PHETA1: variants seen among roughly 807,000 people sequenced by gnomAD.
The protein encoded by PHETA1 is PH domain containing endocytic trafficking adaptor 1, also known as sesquipedalian-1.
For missense variants in PHETA1, 348 were observed against 373.5 expected (o/e 0.93, Z 0.56); for synonymous variants, 155 against 168.9 (o/e 0.92, Z 0.64).
rs1396268286 is a variant in PHETA1, at chr12:111,361,944, CA to C, written c.*733del. 2.2e-6 allele frequency: 1 copy of C among 456,106 alleles called. No homozygotes were observed. Among genetic ancestry groups the C allele is most frequent in the Non-Finnish European group, 4.4e-6 (1 of 226,918 alleles). 28.3% of individuals were successfully genotyped at this position (456,106 alleles called of 1,614,324 possible). On this transcript the variant is annotated 3_prime_UTR_variant, in exon 3 of 3. Coordinates refer to ENST00000683047, the MANE Select transcript of PHETA1 (RefSeq NM_144671.6). ...AGCCCTGTGAGAGCCACCACGGAGA[CA>C]CAGACAGGGCCCGCGGCCAGAGAGC...
rs1032315792 is a variant in PHETA1 at position 111,362,756 on chromosome 12, G to A, written c.672C>T (p.Phe224=). 24 of 1,541,178 alleles carry A rather than the reference G, an allele frequency of 1.6e-5. No homozygotes were observed. The highest frequency in any genetic ancestry group is 1.7e-4 in the Middle Eastern group (1 of 5,964). ...GGCCATAGCACTCGTGCAGCCGGGC[G>A]AAGGGGGCCATGTCCAGGGGCCCGT... The part of the protein sequence containing the change: ...APHGPLDMAP[F]ARLHECYGQE... Residue 224 remains phenylalanine, a synonymous_variant, in exon 3 of 3, where the codon TTC becomes TTT. Coordinates refer to ENST00000683047, the MANE Select transcript of PHETA1 (RefSeq NM_144671.6).
rs1468673807 is a variant in PHETA1 at position 111,362,855 on chromosome 12, C to G, written c.573G>C (p.Trp191Cys). ...LPPKENGCAV[W>C]STEATFRPGP... ...CAGGCCTGAAGGTGGCCTCAGTGCT[C>G]CAGACAGCGCAGCCATTCTCCTTGG... The change falls in exon 3 of 3, where the codon TGG becomes TGC. Residue 191 changes from tryptophan (W) to cysteine (C), a missense_variant. Transcript: ENST00000683047. The G allele has an allele frequency of 2.0e-6, 3 of 1,537,754 alleles. No individual in the cohort carries two copies. The highest frequency in any genetic ancestry group is 2.7e-5 in the African/African-American group (2 of 72,950).
rs1448199453 is a variant in PHETA1 at position 111,366,108 on chromosome 12, C to G, written c.-37+5G>C. On this transcript the variant is annotated splice_donor_5th_base_variant and intron_variant, in intron 2 of 2. Transcript: ENST00000683047. The stretch of plus-strand genomic sequence containing the variant: ...CCCGCCCTGCTTGCCCAGTTCCGCT[C>G]CTACCTCTCAGGCCACCACTTGCCT... 1 of 157,988 alleles carries G rather than the reference C, an allele frequency of 6.3e-6. No individual in the cohort carries two copies. Among genetic ancestry groups the G allele is most frequent in the Non-Finnish European group, 1.4e-5 (1 of 70,676 alleles). The allele number at this position is 157,988 out of a possible 1,614,324, so 9.8% of individuals were successfully genotyped here. A position where few individuals can be genotyped will look rare whatever the true frequency, so the allele number is the denominator to read the frequency against.
At position 111,361,811 on chromosome 12, in the gene PHETA1, C is replaced by T; in HGVS notation, c.*867G>A. ...TCCCTGGGGGAACCTGCTAGAAGGT[C>T]ACCTCGGGCCATGGCTACCCAGCCC... On this transcript the variant is annotated 3_prime_UTR_variant, in exon 3 of 3. Transcript: ENST00000683047. The T allele has an allele frequency of 2.3e-6, 1 of 443,124 alleles. No homozygotes were observed. Among genetic ancestry groups the T allele is most frequent in the Non-Finnish European group, 4.5e-6 (1 of 219,830 alleles). The allele number at this position is 443,124 out of a possible 1,614,324, so 27.4% of individuals were successfully genotyped here.
In PHETA1 at chr12:111,363,264, C is replaced by T. The variant is rs561158574; in HGVS notation, c.164G>A (p.Arg55His). The T allele has an allele frequency of 1.8e-5, 29 of 1,613,150 alleles. No individual in the cohort carries two copies. Among genetic ancestry groups the T allele is most frequent in the East Asian group, 1.6e-4 (7 of 44,880 alleles). Reference protein sequence around the residue: ...MLFYFEDAASREPVGVIILEG... With the variant: ...MLFYFEDAASHEPVGVIILEG... ...CAGGATGATGACGCCCACGGGCTCA[C>T]GGCTGGCAGCGTCCTCGAAGTAGAA... The change falls in exon 3 of 3, where the codon CGT becomes CAT. Residue 55 changes from arginine (R) to histidine (H), a missense_variant. Coordinates refer to ENST00000683047, the MANE Select transcript of PHETA1 (RefSeq NM_144671.6). This position sits in a 1 kb window ranked among gnomAD's most constrained non-coding sequence, Gnocchi z 7.4.
chr12:111,368,566 G>T lies in PHETA1; in HGVS notation c.-182+346C>A, dbSNP rs1417924423. The stretch of plus-strand genomic sequence containing the variant: ...TCCACGGCAGGGGCTGCTGCTCCAG[G>T]TGTGGCCCTGCTCCCGGCTGCTCTC... On this transcript the variant is annotated intron_variant, in intron 1 of 2. Coordinates refer to ENST00000683047, the MANE Select transcript of PHETA1 (RefSeq NM_144671.6). The surrounding 1 kb of genome is among the most constrained non-coding windows in gnomAD (Gnocchi z 5.0). Among the ~76,000 whole-genome samples the T allele has an allele frequency of 6.6e-6, 1 of 152,238 alleles. No homozygotes were observed. The highest frequency in any genetic ancestry group is 1.5e-5 in the Non-Finnish European group (1 of 68,042).
In PHETA1 at chr12:111,361,926, T is replaced by G; in HGVS notation, c.*752A>C. On this transcript the variant is annotated 3_prime_UTR_variant, in exon 3 of 3. Coordinates refer to ENST00000683047, the MANE Select transcript of PHETA1 (RefSeq NM_144671.6). Reference sequence around the variant, plus strand: ...GTCAAGGAGTGTCTGGAGAGCCCTGTGAGAGCCACCACGGAGACACAGACA... The same window carrying G: ...GTCAAGGAGTGTCTGGAGAGCCCTGGGAGAGCCACCACGGAGACACAGACA... The G allele has an allele frequency of 1.1e-5, 5 of 456,064 alleles. No individual in the cohort carries two copies. The Middle Eastern group carries it at 1.3e-3, about 119-fold the overall frequency. The allele number at this position is 456,064 out of a possible 1,614,324, so 28.3% of individuals were successfully genotyped here.
rs1593004150 is a variant in PHETA1 at position 111,363,001 on chromosome 12, G to A, written c.427C>T (p.Pro143Ser). 6 of 1,494,036 alleles carry A rather than the reference G, an allele frequency of 4.0e-6. No individual in the cohort carries two copies. Among genetic ancestry groups the A allele is most frequent in the East Asian group, 2.4e-5 (1 of 41,114 alleles). The allele number at this position is 1,494,036 out of a possible 1,614,324, so 92.5% of individuals were successfully genotyped here. A position where few individuals can be genotyped will look rare whatever the true frequency, so the allele number is the denominator to read the frequency against. The change falls in exon 3 of 3, where the codon CCC (proline) becomes TCC (serine). Residue 143 changes from proline to serine, a missense_variant. Pro to Ser is a moderately conservative substitution (Grantham distance 74). Coordinates refer to ENST00000683047, the MANE Select transcript of PHETA1 (RefSeq NM_144671.6). The surrounding 1 kb of genome is among the most constrained non-coding windows in gnomAD (Gnocchi z 7.4). ...GACGGGGGCAAGGGCAGGGACTGGGGCTGGGGCTGGGGCAGGGCCATGCCA... is the reference window on the plus strand; with the variant it reads ...GACGGGGGCAAGGGCAGGGACTGGGACTGGGGCTGGGGCAGGGCCATGCCA... ...GGGMALPQPQ[P>S]QSLPLPPSLP... is the part of the protein sequence containing the mutation.
rs533131111 is a variant in PHETA1 at position 111,364,795 on chromosome 12, G to T, written c.-37+1318C>A. Among the ~76,000 whole-genome samples, 5 of 152,116 alleles carry T rather than the reference G, an allele frequency of 3.3e-5. No homozygotes were observed. The East Asian group carries it at 9.7e-4, about 29-fold the overall frequency. ...AAAAAAAAAATAGCCAGGCATGGTG[G>T]GGGGTGCCTATAATCCCAGGTACTT... On this transcript the variant is annotated intron_variant, in intron 2 of 2. Coordinates refer to ENST00000683047, the MANE Select transcript of PHETA1 (RefSeq NM_144671.6).
intron 2 of PHETA1, among the ~76,000 whole-genome samples, chr12:111,364,240 G>A (rs556028594): frequency 4.3e-4 from 66 of 152,008 alleles, no homozygotes; most frequent in African/African-American, 1.6e-3. Context: ...CCAGCTACTC[G>A]GGAGGCTGAG....
In PHETA1 at chr12:111,363,691, C is replaced by T. The variant is rs1289190277; in HGVS notation, c.-36-228G>A. The T allele has an allele frequency of 2.6e-6, 4 of 1,528,888 alleles. No individual in the cohort carries two copies. The Admixed American group carries it at 5.9e-5, about 23-fold the overall frequency. The allele number at this position is 1,528,888 out of a possible 1,614,324, so 94.7% of individuals were successfully genotyped here. On this transcript the variant is annotated intron_variant, in intron 2 of 2. Coordinates refer to ENST00000683047, the MANE Select transcript of PHETA1 (RefSeq NM_144671.6). This position sits in a 1 kb window ranked among gnomAD's most constrained non-coding sequence, Gnocchi z 7.4. ...AGACAGCCTCATAACCTCCTACCCT[C>T]CTGTATCCCTGAAATAATGTTGTGA...
chr12:111,362,947 A>C lies in PHETA1; in HGVS notation c.481T>G (p.Ser161Ala), dbSNP rs1208642586. Residue 161 changes from serine to alanine, a missense_variant, in exon 3 of 3, where the codon TCC becomes GCC. Coordinates refer to ENST00000683047, the MANE Select transcript of PHETA1 (RefSeq NM_144671.6). The part of the protein sequence containing the change: ...SLPSALAPVP[S>A]LPSAPAPVPA... ...ACCGGGGCTGGGGCAGAAGGCAGGGATGGGACTGGGGCCAGGGCAGAGGGC... is the reference window on the plus strand; with the variant it reads ...ACCGGGGCTGGGGCAGAAGGCAGGGCTGGGACTGGGGCCAGGGCAGAGGGC... 1.5e-6 allele frequency: 2 copies of C among 1,358,392 alleles called. No individual in the cohort carries two copies. The highest frequency in any genetic ancestry group is 3.1e-5 in the African/African-American group (2 of 64,728). The allele number at this position is 1,358,392 out of a possible 1,614,324, so 84.1% of individuals were successfully genotyped here. A position where few individuals can be genotyped will look rare whatever the true frequency, so the allele number is the denominator to read the frequency against.
chr12:111,363,453 G>C lies in PHETA1; in HGVS notation c.-26C>G, dbSNP rs1225347516. ...GGTGGCAATCGCGGGGCCTGGAGGG[G>C]AGCCTGGGGCCTGGACCCCATAGAA... On this transcript the variant is annotated 5_prime_UTR_variant, in exon 3 of 3. Coordinates refer to ENST00000683047, the MANE Select transcript of PHETA1 (RefSeq NM_144671.6). This position sits in a 1 kb window ranked among gnomAD's most constrained non-coding sequence, Gnocchi z 7.4. 6 of 1,600,442 alleles carry C rather than the reference G, an allele frequency of 3.7e-6. No homozygotes were observed. The South Asian group carries it at 6.7e-5, about 18-fold the overall frequency.
intron 2 of PHETA1, among the ~76,000 whole-genome samples, chr12:111,364,346 C>CA (rs79244548): frequency 4.2e-3 from 456 of 109,202 alleles, no homozygotes; most frequent in African/African-American, 6.4e-3. Flanking sequence ...CACTCTGTCT[C>CA]AAAAAAAAAA....
In PHETA1 at chr12:111,369,067, C is replaced by G. The variant is rs912924960; in HGVS notation, c.-337G>C. The G allele has an allele frequency of 6.5e-6, 1 of 152,998 alleles. No homozygotes were observed. Among genetic ancestry groups the G allele is most frequent in the African/African-American group, 2.4e-5 (1 of 41,438 alleles). The allele number at this position is 152,998 out of a possible 1,614,324, so 9.5% of individuals were successfully genotyped here. The stretch of plus-strand genomic sequence containing the variant: ...GGCGCAGCCGCGGGAGAGCGCGGAT[C>G]CGACGGAAGGAGGCGGGAGCAACCG... On this transcript the variant is annotated 5_prime_UTR_variant, in exon 1 of 3. Coordinates refer to ENST00000683047, the MANE Select transcript of PHETA1 (RefSeq NM_144671.6).
At chr12:111,365,423 G>T in intron 2 of PHETA1, 1 of 451,224 alleles carries the variant, frequency 2.2e-6, no homozygotes, top group Non-Finnish European at 4.4e-6. Context: ...GGTTGTCCTT[G>T]CCACCTCCTG....
chr12:111,362,538 C>G lies in PHETA1; in HGVS notation c.*140G>C. 1 of 1,528,710 alleles carries G rather than the reference C, an allele frequency of 6.5e-7. No homozygotes were observed. The highest frequency in any genetic ancestry group is 8.8e-7 in the Non-Finnish European group (1 of 1,142,494). 94.7% of individuals were successfully genotyped at this position (1,528,710 alleles called of 1,614,324 possible). A position where few individuals can be genotyped will look rare whatever the true frequency, so the allele number is the denominator to read the frequency against. On this transcript the variant is annotated 3_prime_UTR_variant, in exon 3 of 3. Transcript: ENST00000683047. The stretch of plus-strand genomic sequence containing the variant: ...GCACCTTCTCAGAGCCTGCATCCCC[C>G]AAAACCAGGCCACTCAGGGCCTGGG...
In PHETA1 at chr12:111,361,848, T is replaced by C. The variant is rs1424867425; in HGVS notation, c.*830A>G. The C allele has an allele frequency of 2.2e-6, 1 of 454,216 alleles. No homozygotes were observed. Among genetic ancestry groups the C allele is most frequent in the East Asian group, 7.0e-5 (1 of 14,346 alleles). The allele number at this position is 454,216 out of a possible 1,614,324, so 28.1% of individuals were successfully genotyped here. A position where few individuals can be genotyped will look rare whatever the true frequency, so the allele number is the denominator to read the frequency against. On this transcript the variant is annotated 3_prime_UTR_variant, in exon 3 of 3. Transcript: ENST00000683047. Reference sequence around the variant, plus strand: ...TGGCTACCCAGCCCAGGAAGGGAGGTCAGGCAAGCTCCCAAGGGGCCCCAG... The same window carrying C: ...TGGCTACCCAGCCCAGGAAGGGAGGCCAGGCAAGCTCCCAAGGGGCCCCAG...
rs529795931 is a variant in PHETA1 at position 111,367,268 on chromosome 12, A to G, written c.-181-1011T>C. Among the ~76,000 whole-genome samples, 156 of 152,258 alleles carry G rather than the reference A, an allele frequency of 1.0e-3. No individual in the cohort carries two copies. Among genetic ancestry groups the G allele is most frequent in the Middle Eastern group, 3.4e-3 (1 of 294 alleles). On this transcript the variant is annotated intron_variant, in intron 1 of 2. Transcript: ENST00000683047. This position sits in a 1 kb window ranked among gnomAD's most constrained non-coding sequence, Gnocchi z 4.0. Reference sequence around the variant, plus strand: ...CAGAGAGGTGGTCCCTGGCCACCCTATGCACAAGAGGCCCCCCAGTCCCTC... The same window carrying G: ...CAGAGAGGTGGTCCCTGGCCACCCTGTGCACAAGAGGCCCCCCAGTCCCTC...
Sources: gnomAD v4.1 joint callset for allele counts (sites outside exome capture counted in the v4.1 genomes callset) on GRCh38, gnomAD v4.1.1 for gene constraint, Gnocchi (gnomAD v3.1) non-coding constraint, MANE v1.5 for transcripts, NCBI Gene and HGNC (gene_info 2026-07-23, HGNC 2026-07-21) for gene names.